Variants in MCHR2 observed in about 807,000 individuals in gnomAD.
MCHR2 encodes melanin-concentrating hormone receptor 2.
In MCHR2, 15 loss-of-function variants were observed where a neutral mutation model predicts 24.8. That is an observed-to-expected ratio of 0.60 (90% CI 0.40 to 0.93). The LOEUF (loss-of-function observed/expected upper bound fraction) is 0.93, where lower values mean the gene tolerates loss of function less well. Among genes scored for constraint, MCHR2 ranks in the 40% least tolerant of loss-of-function variants. MCHR2 has a pLI of 0.00. For missense variants in MCHR2, 386 were observed against 408.7 expected (o/e 0.94, Z 0.48); for synonymous variants, 151 against 147.6 (o/e 1.02, Z -0.17).
intron 1 of MCHR2, among the ~76,000 whole-genome samples, chr6:99,982,228 T>A (rs1562135748): frequency 6.6e-6 from 1 of 152,020 alleles, no homozygotes; most frequent in Non-Finnish European, 1.5e-5. Flanking sequence ...GTGGTCCATT[T>A]CAAATCTGCC....
intron 1 of MCHR2, among the ~76,000 whole-genome samples, chr6:99,975,563 T>A (rs112471660): frequency 0.03 from 4,644 of 152,322 alleles, 119 homozygotes; most frequent in Non-Finnish European, 0.044. Flanking sequence ...TCGTGCATGG[T>A]GCGCTGCACC....
chr6:99,921,308 G>T, intron 5 of MCHR2, 53 bp from the exon 6 acceptor site: 4 of 1,529,430 alleles, frequency 2.6e-6, no homozygotes, highest in Non-Finnish European at 2.7e-6. Context: ...AGAAATTATG[G>T]GGCAATGTGT....
chr6:99,955,678 A>T (rs973940559), intron 2 of MCHR2, among the ~76,000 whole-genome samples: 4 of 152,042 alleles, frequency 2.6e-5, no homozygotes, highest in Non-Finnish European at 4.4e-5. Context: ...TCCCCAGATG[A>T]TTCTAATATG....
At position 99,984,577 on chromosome 6, in the gene MCHR2, C is replaced by A. The variant is rs1582413491; in HGVS notation, c.-28+9359G>T. ...CCACATACACAGAATTTTAAAAAAC[C>A]CTATGGTCACATCAATAGATGCAGA... On this transcript the variant is annotated intron_variant, in intron 1 of 5. Transcript: ENST00000281806. Among the ~76,000 whole-genome samples, 3 of 151,940 alleles carry A rather than the reference C, an allele frequency of 2.0e-5. No individual in the cohort carries two copies. In the South Asian group the frequency reaches 6.2e-4, roughly 32 times the overall value.
intron 1 of MCHR2, among the ~76,000 whole-genome samples, chr6:99,991,165 G>T (rs904025414): frequency 2.0e-5 from 3 of 151,872 alleles, no homozygotes; most frequent in Non-Finnish European, 2.9e-5. Flanking sequence ...GAAAAGAGGG[G>T]AGCAGAGCCG....
chr6:99,991,415 G>A (rs1176128965), intron 1 of MCHR2, among the ~76,000 whole-genome samples: 1 of 152,192 alleles, frequency 6.6e-6, no homozygotes, highest in African/African-American at 2.4e-5. Flanking sequence ...TTAGCAGTGT[G>A]ACTTTAGGTA....
chr6:99,973,183 A>T (rs1219448065), intron 1 of MCHR2, among the ~76,000 whole-genome samples: 3 of 151,388 alleles, frequency 2.0e-5, no homozygotes, highest in East Asian at 1.9e-4. Flanking sequence ...TCCCATTATT[A>T]TTGTGTGGGA....
At chr6:99,973,991 C>T (rs1775494499) in intron 1 of MCHR2, among the ~76,000 whole-genome samples, 1 of 152,184 alleles carries the variant, frequency 6.6e-6, no homozygotes, top group Admixed American at 6.5e-5. Context: ...CTGCCCTTAA[C>T]ATTTTTTCCT....
At chr6:99,931,896 A>G (rs900594665) in intron 5 of MCHR2, among the ~76,000 whole-genome samples, 1 of 152,168 alleles carries the variant, frequency 6.6e-6, no homozygotes. Flanking sequence ...CCGGTACCTC[A>G]GATGGAAATG....
intron 1 of MCHR2, among the ~76,000 whole-genome samples, chr6:99,960,377 A>G (rs1217401220): frequency 3.3e-5 from 5 of 152,232 alleles, no homozygotes; most frequent in Admixed American, 3.3e-4. Flanking sequence ...TGATAGGAAG[A>G]ATCAATATGG....
chr6:99,973,639 C>A (rs1775483986), intron 1 of MCHR2, among the ~76,000 whole-genome samples: 1 of 152,196 alleles, frequency 6.6e-6, no homozygotes, highest in Non-Finnish European at 1.5e-5. Context: ...TTAGTTGATG[C>A]AGTTTCTTCC....
At position 99,970,590 on chromosome 6, in the gene MCHR2, C is replaced by G. The variant is rs1425616739; in HGVS notation, c.-27-14416G>C. Among the ~76,000 whole-genome samples the G allele has an allele frequency of 3.3e-5, 5 of 152,194 alleles. No homozygotes were observed. In the East Asian group the frequency reaches 5.8e-4, roughly 18 times the overall value. The stretch of plus-strand genomic sequence containing the variant: ...ATTAGATCCCATTTGTCAATTTTGG[C>G]TTTTGTTGCCTTTGTTTTTGGTGTT... On this transcript the variant is annotated intron_variant, in intron 1 of 5. Coordinates refer to ENST00000281806, the MANE Select transcript of MCHR2 (RefSeq NM_001040179.2).
intron 4 of MCHR2, among the ~76,000 whole-genome samples, chr6:99,936,693 A>C (rs1055501755): frequency 1.3e-5 from 2 of 151,980 alleles, no homozygotes; most frequent in South Asian, 2.1e-4. Flanking sequence ...GTTCCATATA[A>C]ATTTTAGAAT....
Position 99,947,860 on chromosome 6 carries a change from C to T in MCHR2, c.294G>A (p.Glu98=), listed in dbSNP as rs1774899455. The part of the protein sequence containing the change: ...FLIHQWARGG[E]WVFGGPLCTI... ...TGCAGAGAGGCCCCCCAAACACCCA[C>T]TCTCCCCCTCGGGCCCATTGGTGAA... Residue 98 remains glutamate, a synonymous_variant, in exon 3 of 6, where the codon GAG becomes GAA. Coordinates refer to ENST00000281806, the MANE Select transcript of MCHR2 (RefSeq NM_001040179.2). 1.2e-6 allele frequency: 2 copies of T among 1,613,776 alleles called. No homozygotes were observed. Among genetic ancestry groups the T allele is most frequent in the Non-Finnish European group, 1.7e-6 (2 of 1,179,792 alleles).
chr6:99,976,815 A>G (rs989162075), intron 1 of MCHR2, among the ~76,000 whole-genome samples: 3 of 152,212 alleles, frequency 2.0e-5, no homozygotes, highest in African/African-American at 7.2e-5. Flanking sequence ...GCTGACTAGG[A>G]ACCAGGGCCT....
chr6:99,950,137 TAAA>T (rs924557241), intron 2 of MCHR2, among the ~76,000 whole-genome samples: 25 of 152,086 alleles, frequency 1.6e-4, no homozygotes, highest in African/African-American at 5.8e-4. Flanking sequence ...CAAAAAGAAT[TAAA>T]TAAAAGTGTG....
intron 1 of MCHR2, among the ~76,000 whole-genome samples, chr6:99,962,180 G>A (rs1407056854): frequency 6.6e-6 from 1 of 152,156 alleles, no homozygotes; most frequent in Non-Finnish European, 1.5e-5. Flanking sequence ...GCTACACTGT[G>A]ACAGTCAGTC....
intron 5 of MCHR2, among the ~76,000 whole-genome samples, chr6:99,931,770 C>G (rs1656611084): frequency 6.6e-6 from 1 of 152,174 alleles, no homozygotes; most frequent in Admixed American, 6.5e-5. Context: ...AAAGGGAACT[C>G]CCTGACCCCT....
rs1054565517 is a variant in MCHR2 at position 99,921,128 on chromosome 6, G to C, written c.835C>G (p.Gln279Glu). Residue 279 changes from glutamine to glutamate, a missense_variant, in exon 6 of 6, where the codon CAG becomes GAG. Transcript: ENST00000281806. Reference sequence around the variant, plus strand: ...CCCACATAGAAGGCCAGTGTGGGCTGTTCCATCTGTAAGTTCACCAGTTGT... The same window carrying C: ...CCCACATAGAAGGCCAGTGTGGGCTCTTCCATCTGTAAGTTCACCAGTTGT... Reference protein sequence around the residue: ...VIQLVNLQMEQPTLAFYVGYY... With the variant: ...VIQLVNLQMEEPTLAFYVGYY... 6 of 1,614,046 alleles carry C rather than the reference G, an allele frequency of 3.7e-6. No homozygotes were observed. The highest frequency in any genetic ancestry group is 4.2e-6 in the Non-Finnish European group (5 of 1,180,030).
Sources: allele counts gnomAD v4.1 joint callset (sites outside exome capture counted in the v4.1 genomes callset), GRCh38; gene constraint gnomAD v4.1.1; transcripts MANE v1.5; gene names NCBI Gene and HGNC (gene_info 2026-07-23, HGNC 2026-07-21).